SYT17: variants seen among roughly 807,000 people sequenced by gnomAD.
The protein encoded by SYT17 is synaptotagmin-17.
Under a neutral mutation model 46.7 loss-of-function variants are expected in SYT17, and 22 were observed. That is an observed-to-expected ratio of 0.47 (90% CI 0.34 to 0.67). The LOEUF is 0.67. SYT17 is among the 30% of genes least tolerant of loss of function. The probability of loss-of-function intolerance (pLI) is 0.01; values close to 1 mark genes in which losing one functional copy is unlikely to be tolerated. For missense variants in SYT17, 519 were observed against 612.8 expected (o/e 0.85, Z 1.62); for synonymous variants, 251 against 248.4 (o/e 1.01, Z -0.10).
intron 7 of SYT17, among the ~76,000 whole-genome samples, chr16:19,235,070 A>G (rs1428527439): frequency 6.6e-6 from 1 of 152,178 alleles, no homozygotes; most frequent in Non-Finnish European, 1.5e-5. Flanking sequence ...ACCTGGCAGT[A>G]GGCACTCAGC....
At chr16:19,210,617 A>G (rs1965863100) in intron 5 of SYT17, among the ~76,000 whole-genome samples, 1 of 152,154 alleles carries the variant, frequency 6.6e-6, no homozygotes, top group Non-Finnish European at 1.5e-5. Context: ...AGTGAAGAGA[A>G]GAAAGAAGAA....
chr16:19,221,909 C>T (rs1183756351), intron 5 of SYT17, among the ~76,000 whole-genome samples: 1 of 152,032 alleles, frequency 6.6e-6, no homozygotes, highest in African/African-American at 2.4e-5. Context: ...GGAGTTACTT[C>T]AGAGGAATAT....
intron 1 of SYT17, chr16:19,172,418 C>T: frequency 2.8e-6 from 4 of 1,431,130 alleles, no homozygotes; most frequent in Non-Finnish European, 3.6e-6. Context: ...GTTTGCTCTT[C>T]TCCTGAAGTG....
chr16:19,212,793 G>A (rs1054585814), intron 5 of SYT17, among the ~76,000 whole-genome samples: 11 of 152,194 alleles, frequency 7.2e-5, no homozygotes, highest in African/African-American at 2.7e-4. Flanking sequence ...ACCAGAACAA[G>A]CAATCCATTT....
At chr16:19,208,881 CTTCTTT>C (rs1965775481) in intron 5 of SYT17, among the ~76,000 whole-genome samples, 2 of 54,462 alleles carry the variant, frequency 3.7e-5, no homozygotes, top group Admixed American at 1.6e-4. Flanking sequence ...CTACAAGGAC[CTTCTTT>C]TTTTTTTTTT....
chr16:19,171,972 GATA>G (rs1964112836), intron 1 of SYT17: 1 of 152,290 alleles, frequency 6.6e-6, no homozygotes, highest in East Asian at 1.9e-4. Flanking sequence ...TCGGAAAAAA[GATA>G]ATAACTTTCT....
rs1567202084 is a variant in SYT17, at chr16:19,184,133, A to G, written c.937A>G (p.Ile313Val). 1 of 1,613,614 alleles carries G rather than the reference A, an allele frequency of 6.2e-7. No individual in the cohort carries two copies. Among genetic ancestry groups the G allele is most frequent in the African/African-American group, 1.3e-5 (1 of 75,036 alleles). Residue 313 changes from isoleucine (I) to valine (V), a missense_variant, in exon 5 of 8, where the codon ATT becomes GTT. Coordinates refer to ENST00000355377, the MANE Select transcript of SYT17 (RefSeq NM_016524.4). ...VKGGHWWKAL[I>V]PSSQNEVELG... The stretch of plus-strand genomic sequence containing the variant: ...GGGCGGGCACTGGTGGAAGGCGCTG[A>G]TTCCCAGTTCTCAGGTAAGGGATGG...
chr16:19,213,929 A>G (rs1965997041), intron 5 of SYT17, among the ~76,000 whole-genome samples: 1 of 152,222 alleles, frequency 6.6e-6, no homozygotes, highest in African/African-American at 2.4e-5. Flanking sequence ...CCCAAGATTT[A>G]TAGGCTTAGT....
At chr16:19,241,104 C>T (rs1251475900) in intron 7 of SYT17, among the ~76,000 whole-genome samples, 4 of 151,526 alleles carry the variant, frequency 2.6e-5, no homozygotes, top group African/African-American at 4.8e-5. Flanking sequence ...CCCGCCACTA[C>T]GCCCGGCTAA....
rs542754241 is a variant in SYT17 at position 19,168,879 on chromosome 16, G to A, written c.15+218G>A. Among the ~76,000 whole-genome samples the A allele has an allele frequency of 1.3e-5, 2 of 152,244 alleles. No homozygotes were observed. The highest frequency in any genetic ancestry group is 4.1e-4 in the South Asian group (2 of 4,824). On this transcript the variant is annotated intron_variant, in intron 1 of 7. Coordinates refer to ENST00000355377, the MANE Select transcript of SYT17 (RefSeq NM_016524.4). This position sits in a 1 kb window ranked among gnomAD's most constrained non-coding sequence, Gnocchi z 6.9. ...AACCCCGGGATGGAGGGTCCTATGT[G>A]TACTCTGCAACGCGCGCCCTTGCCT...
At chr16:19,225,468 T>C (rs999570373) in intron 7 of SYT17, among the ~76,000 whole-genome samples, 17 of 152,186 alleles carry the variant, frequency 1.1e-4, no homozygotes, top group African/African-American at 4.1e-4. Flanking sequence ...GCATAATAAA[T>C]CACCCCAAAA....
chr16:19,192,882 C>G (rs140491141), intron 5 of SYT17, among the ~76,000 whole-genome samples: 2 of 152,238 alleles, frequency 1.3e-5, no homozygotes, highest in South Asian at 4.1e-4. Context: ...GACTGTGGAG[C>G]CTCCAGACCT....
intron 5 of SYT17, among the ~76,000 whole-genome samples, chr16:19,221,372 G>A (rs563768266): frequency 1.3e-3 from 201 of 152,136 alleles, no homozygotes; most frequent in South Asian, 0.011. Context: ...GAATGCCAGC[G>A]TTACCAGATC....
intron 7 of SYT17, among the ~76,000 whole-genome samples, chr16:19,259,682 A>ATTTTT (rs67609928): frequency 1.4e-5 from 2 of 147,922 alleles, no homozygotes; most frequent in Non-Finnish European, 1.5e-5. Flanking sequence ...GAATGTTTTG[A>ATTTTT]TTTTTTTTTT....
intron 7 of SYT17, among the ~76,000 whole-genome samples, chr16:19,241,604 T>C (rs1357936200): frequency 2.6e-5 from 4 of 152,186 alleles, no homozygotes; most frequent in Non-Finnish European, 5.9e-5. Context: ...CTGACTGCAT[T>C]GCTCTCCCAC....
intron 5 of SYT17, among the ~76,000 whole-genome samples, chr16:19,220,425 A>G (rs1436907338): frequency 6.7e-6 from 1 of 150,198 alleles, no homozygotes; most frequent in Non-Finnish European, 1.5e-5. Context: ...CAGCCTCCCA[A>G]GTAGCTGGGA....
In SYT17 at chr16:19,225,436, G is replaced by T. The variant is rs572004581; in HGVS notation, c.1228+598G>T. On this transcript the variant is annotated intron_variant, in intron 7 of 7. Transcript: ENST00000355377. ...GTGTAATCTAATGTAGTATTTCCAGGGTATATTAGTTATTTATTGCAGCAT... is the reference window on the plus strand; with the variant it reads ...GTGTAATCTAATGTAGTATTTCCAGTGTATATTAGTTATTTATTGCAGCAT... Among the ~76,000 whole-genome samples, 4 of 152,132 alleles carry T rather than the reference G, an allele frequency of 2.6e-5. No homozygotes were observed. In the East Asian group the frequency reaches 5.8e-4, roughly 22 times the overall value.
chr16:19,258,469 C>T (rs558754954), intron 7 of SYT17, among the ~76,000 whole-genome samples: 6 of 151,816 alleles, frequency 4.0e-5, no homozygotes, highest in South Asian at 2.1e-4. Context: ...GGTGAAACCC[C>T]GTCTCTACTA....
intron 5 of SYT17, among the ~76,000 whole-genome samples, chr16:19,196,991 A>G (rs1311139270): frequency 2.6e-5 from 4 of 152,292 alleles, no homozygotes; most frequent in African/African-American, 7.2e-5. Flanking sequence ...CTGCCTGGTA[A>G]ACAGAGACAC....
Sources: allele counts gnomAD v4.1 joint callset (sites outside exome capture counted in the v4.1 genomes callset), GRCh38; gene constraint gnomAD v4.1.1; non-coding constraint Gnocchi (gnomAD v3.1); transcripts MANE v1.5; gene names NCBI Gene and HGNC (gene_info 2026-07-23, HGNC 2026-07-21).